The following MACROD2 variants were observed in gnomAD, a reference collection of about 807,000 sequenced individuals.
MACROD2 encodes ADP-ribose glycohydrolase MACROD2.
Under a neutral mutation model 70.4 loss-of-function variants are expected in MACROD2, and 36 were observed. The observed-to-expected ratio is 0.51, with a 90% CI of 0.39 to 0.68. MACROD2 has a LOEUF of 0.68. MACROD2 is among the 30% of genes least tolerant of loss of function. MACROD2 has a pLI of 0.00. For synonymous variants in MACROD2, 172 were observed against 178.8 expected, an observed-to-expected ratio of 0.96 and a Z score of 0.30; for missense variants, 496 against 538.4, an observed-to-expected ratio of 0.92 and a Z score of 0.78.
chr20:14,187,707 A>C (rs765845301), intron 3 of MACROD2, among the ~76,000 whole-genome samples: 10 of 152,190 alleles, frequency 6.6e-5, no homozygotes, highest in Admixed American at 1.3e-4. Flanking sequence ...AAGTGGATCA[A>C]GTTAACTTTG....
chr20:15,399,404 A>G (rs1443538546), intron 6 of MACROD2, among the ~76,000 whole-genome samples: 1 of 152,190 alleles, frequency 6.6e-6, no homozygotes, highest in Admixed American at 6.5e-5. Flanking sequence ...GTGTTTTTCC[A>G]GAAAGAAAAA....
intron 8 of MACROD2, among the ~76,000 whole-genome samples, chr20:15,753,330 A>C (rs35704646): frequency 0.013 from 2,024 of 152,172 alleles, 28 homozygotes; most frequent in Non-Finnish European, 0.02. Flanking sequence ...ATGAGTACCC[A>C]ATATTTAGCT....
intron 5 of MACROD2, among the ~76,000 whole-genome samples, chr20:14,788,035 T>C (rs2072396534): frequency 6.6e-6 from 1 of 152,060 alleles, no homozygotes; most frequent in Non-Finnish European, 1.5e-5. Flanking sequence ...AGTCCAGGCA[T>C]CAAAAAGTGT....
intron 5 of MACROD2, among the ~76,000 whole-genome samples, chr20:15,127,647 C>A (rs1335856863): frequency 6.6e-6 from 1 of 152,054 alleles, no homozygotes; most frequent in African/African-American, 2.4e-5. Context: ...GGCTGCTCAC[C>A]ACTTGGCAAC....
intron 6 of MACROD2, among the ~76,000 whole-genome samples, chr20:15,360,505 C>G (rs2078339634): frequency 6.6e-6 from 1 of 151,952 alleles, no homozygotes; most frequent in Admixed American, 6.6e-5. Context: ...CTTAAAATGT[C>G]AATTATGTCT....
intron 4 of MACROD2, among the ~76,000 whole-genome samples, chr20:14,610,942 C>A (rs1057375833): frequency 3.3e-5 from 5 of 152,066 alleles, no homozygotes; most frequent in African/African-American, 9.7e-5. Flanking sequence ...GTTAATTCTG[C>A]ATTGGAGACT....
chr20:15,292,095 C>G (rs947800516), intron 6 of MACROD2, among the ~76,000 whole-genome samples: 2 of 152,072 alleles, frequency 1.3e-5, no homozygotes, highest in African/African-American at 4.8e-5. Flanking sequence ...AGGCTGAACT[C>G]GGACTCCTGG....
At chr20:16,035,122 TAAA>T (rs2067210161) in intron 15 of MACROD2, among the ~76,000 whole-genome samples, 5 of 15,514 alleles carry the variant, frequency 3.2e-4, no homozygotes, top group Non-Finnish European at 4.6e-4. Flanking sequence ...AAATATAATA[TAAA>T]ATATTATATA....
At chr20:15,848,153 T>C (rs1173998032) in intron 8 of MACROD2, among the ~76,000 whole-genome samples, 1 of 152,200 alleles carries the variant, frequency 6.6e-6, no homozygotes, top group African/African-American at 2.4e-5. Flanking sequence ...AAGGAGAAAT[T>C]CTTTTGGAAG....
chr20:15,709,021 AAAT>A (rs757270802), intron 8 of MACROD2, among the ~76,000 whole-genome samples: 34 of 152,240 alleles, frequency 2.2e-4, no homozygotes, highest in South Asian at 1.7e-3. Flanking sequence ...CTATCTCTAA[AAAT>A]AATAATAATA....
chr20:14,876,712 T>G (rs1243111836), intron 5 of MACROD2, among the ~76,000 whole-genome samples: 5 of 152,204 alleles, frequency 3.3e-5, no homozygotes, highest in African/African-American at 1.2e-4. Flanking sequence ...CACCATTTAT[T>G]CGGTAGGGAA....
At chr20:15,708,903 GTA>G (rs1284448485) in intron 8 of MACROD2, among the ~76,000 whole-genome samples, 5 of 152,114 alleles carry the variant, frequency 3.3e-5, no homozygotes, top group Non-Finnish European at 7.4e-5. Context: ...GCACATACTT[GTA>G]GTCTAAGCAA....
intron 5 of MACROD2, among the ~76,000 whole-genome samples, chr20:14,838,726 C>A (rs1032258590): frequency 6.6e-6 from 1 of 152,054 alleles, no homozygotes; most frequent in African/African-American, 2.4e-5. Flanking sequence ...GTTCACTGTC[C>A]CTTATGAGCA....
intron 6 of MACROD2, among the ~76,000 whole-genome samples, chr20:15,246,284 T>C (rs542691404): frequency 6.8e-4 from 103 of 152,330 alleles, no homozygotes; most frequent in African/African-American, 2.3e-3. Context: ...TATGTGTGTG[T>C]GTGTCTGTGT....
intron 8 of MACROD2, among the ~76,000 whole-genome samples, chr20:15,607,159 A>C (rs1239014124): frequency 6.6e-6 from 1 of 152,192 alleles, no homozygotes; most frequent in Non-Finnish European, 1.5e-5. Flanking sequence ...CTACCAACAA[A>C]ACAAAAACAA....
intron 5 of MACROD2, among the ~76,000 whole-genome samples, chr20:14,994,171 A>T (rs1042456392): frequency 8.5e-5 from 13 of 152,174 alleles, no homozygotes; most frequent in African/African-American, 3.1e-4. Context: ...ACATACATAC[A>T]TATAATATTT....
At chr20:14,584,526 G>A (rs557773292) in intron 4 of MACROD2, among the ~76,000 whole-genome samples, 1 of 152,152 alleles carries the variant, frequency 6.6e-6, no homozygotes, top group East Asian at 1.9e-4. Flanking sequence ...GCATGGCAGA[G>A]AGAAAAAGGG....
At chr20:16,037,004 A>T (rs2067245233) in intron 15 of MACROD2, among the ~76,000 whole-genome samples, 1 of 152,010 alleles carries the variant, frequency 6.6e-6, no homozygotes, top group Non-Finnish European at 1.5e-5. Flanking sequence ...CCAGGAATAT[A>T]GTGGTATACA....
At chr20:15,998,674 C>T (rs940044450) in intron 15 of MACROD2, among the ~76,000 whole-genome samples, 1 of 150,582 alleles carries the variant, frequency 6.6e-6, no homozygotes, top group Non-Finnish European at 1.5e-5. Flanking sequence ...ATGCCATTCT[C>T]CTGCCTCAGC....
Sources: allele counts gnomAD v4.1 joint callset (sites outside exome capture counted in the v4.1 genomes callset), GRCh38; gene constraint gnomAD v4.1.1; transcripts MANE v1.5; gene names NCBI Gene and HGNC (gene_info 2026-07-23, HGNC 2026-07-21).